The following TRHDE variants were observed in gnomAD, a reference collection of about 807,000 sequenced individuals.
TRHDE encodes thyrotropin-releasing hormone-degrading ectoenzyme.
TRHDE carries 72 observed loss-of-function variants against 125.7 expected under a neutral mutation model. The ratio of observed to expected loss-of-function variants is 0.57; its 90% CI spans 0.47 to 0.70. The LOEUF (loss-of-function observed/expected upper bound fraction) is 0.70. Among genes scored for constraint, TRHDE ranks in the 30% least tolerant of loss-of-function variants. The probability of loss-of-function intolerance (pLI) is 0.00; values close to 1 mark genes in which losing one functional copy is unlikely to be tolerated. For synonymous variants in TRHDE, 509 were observed against 509.1 expected, an observed-to-expected ratio of 1.00 and a Z score of 0.00; for missense variants, 1,110 against 1,327.1, an observed-to-expected ratio of 0.84 and a Z score of 2.54.
At position 72,428,307 on chromosome 12, in the gene TRHDE, C is replaced by T. The variant is rs549996075; in HGVS notation, c.1316-41451C>T. Among the ~76,000 whole-genome samples the T allele has an allele frequency of 2.0e-5, 3 of 151,946 alleles. No homozygotes were observed. The East Asian group carries it at 5.8e-4, about 29-fold the overall frequency. Reference sequence around the variant, plus strand: ...ATATATTGAATTATTTCACTAATTCCATAATGTGTCATTTGTAAGCAATGT... The same window carrying T: ...ATATATTGAATTATTTCACTAATTCTATAATGTGTCATTTGTAAGCAATGT... On this transcript the variant is annotated intron_variant, in intron 3 of 18. Coordinates refer to ENST00000261180, the MANE Select transcript of TRHDE (RefSeq NM_013381.3).
intron 6 of TRHDE, among the ~76,000 whole-genome samples, chr12:72,541,947 A>G (rs1263354209): frequency 6.6e-6 from 1 of 151,432 alleles, no homozygotes; most frequent in African/African-American, 2.4e-5. Context: ...TGAGCAAATT[A>G]TGAGATTGTA....
intron 3 of TRHDE, among the ~76,000 whole-genome samples, chr12:72,405,790 G>A (rs1397907972): frequency 6.6e-6 from 1 of 152,146 alleles, no homozygotes; most frequent in East Asian, 1.9e-4. Flanking sequence ...AAGCAAGTTG[G>A]CAGTGTTACA....
rs1592511556 is a variant in TRHDE, at chr12:72,273,674, G to T, written c.914+117G>T. 16 of 1,037,272 alleles carry T rather than the reference G, an allele frequency of 1.5e-5. No individual in the cohort carries two copies. The East Asian group carries it at 3.8e-4, about 25-fold the overall frequency. 64.3% of individuals were successfully genotyped at this position (1,037,272 alleles called of 1,614,324 possible). A position where few individuals can be genotyped will look rare whatever the true frequency, so the allele number is the denominator to read the frequency against. ...CCAATACCCGGGAAGCCAGGGGTGG[G>T]GGGAAGGAAACGAAAGCGGAGTAGG... On this transcript the variant is annotated intron_variant, in intron 1 of 18. Transcript: ENST00000261180. The surrounding 1 kb of genome is among the most constrained non-coding windows in gnomAD (Gnocchi z 5.3).
intron 3 of TRHDE, among the ~76,000 whole-genome samples, chr12:72,416,357 T>G (rs1179112567): frequency 6.6e-6 from 1 of 152,092 alleles, no homozygotes; most frequent in African/African-American, 2.4e-5. Context: ...GTCTCTTTGT[T>G]GATTGTTTCC....
chr12:72,437,784 G>A (rs1009029694), intron 3 of TRHDE, among the ~76,000 whole-genome samples: 3 of 151,424 alleles, frequency 2.0e-5, no homozygotes, highest in East Asian at 1.9e-4. Flanking sequence ...TTTATGGTGC[G>A]AACACTTTAT....
At chr12:72,519,339 C>G (rs1592507337) in intron 6 of TRHDE, among the ~76,000 whole-genome samples, 1 of 152,162 alleles carries the variant, frequency 6.6e-6, no homozygotes, top group Non-Finnish European at 1.5e-5. Flanking sequence ...CGGCTTTACT[C>G]ATTTCTTTTT....
intron 2 of TRHDE, among the ~76,000 whole-genome samples, chr12:72,206,283 G>A (rs1056341338): frequency 6.6e-6 from 1 of 152,040 alleles, no homozygotes; most frequent in Admixed American, 6.6e-5. Flanking sequence ...AGTAGAGACA[G>A]GATTTCACCA....
chr12:72,316,443 G>A (rs1359324336), intron 2 of TRHDE, among the ~76,000 whole-genome samples: 1 of 151,968 alleles, frequency 6.6e-6, no homozygotes, highest in Non-Finnish European at 1.5e-5. Context: ...ATGTCCCAGC[G>A]ACTTTTTACA....
At chr12:72,613,845 A>C (rs566100416) in intron 12 of TRHDE, among the ~76,000 whole-genome samples, 35 of 152,244 alleles carry the variant, frequency 2.3e-4, no homozygotes, top group Admixed American at 1.2e-3. Flanking sequence ...CATTCTTGTA[A>C]TGCCATAAAG....
intron 6 of TRHDE, among the ~76,000 whole-genome samples, chr12:72,521,504 C>T (rs1879194444): frequency 6.6e-6 from 1 of 152,258 alleles, no homozygotes; most frequent in Non-Finnish European, 1.5e-5. Flanking sequence ...GAGTAGAGCA[C>T]ATCCAAGCAA....
chr12:72,612,161 C>G (rs918186642), intron 12 of TRHDE, among the ~76,000 whole-genome samples: 1 of 152,156 alleles, frequency 6.6e-6, no homozygotes, highest in Non-Finnish European at 1.5e-5. Context: ...AGTCAGTATT[C>G]TCCTCCCACC....
intron 3 of TRHDE, among the ~76,000 whole-genome samples, chr12:72,429,659 T>C (rs1179811495): frequency 2.6e-5 from 4 of 152,004 alleles, no homozygotes; most frequent in Non-Finnish European, 1.5e-5. Flanking sequence ...GTATTGAGGG[T>C]TCCAATTTTT....
At chr12:72,209,725 G>C (rs1877737126) in intron 2 of TRHDE, among the ~76,000 whole-genome samples, 3 of 152,178 alleles carry the variant, frequency 2.0e-5, no homozygotes, top group Admixed American at 1.3e-4. Context: ...GTGGAGACCA[G>C]TTGCTTTCAC....
At chr12:72,285,402 CA>C (rs1879843254) in intron 1 of TRHDE, among the ~76,000 whole-genome samples, 1 of 152,108 alleles carries the variant, frequency 6.6e-6, no homozygotes, top group African/African-American at 2.4e-5. Context: ...ATTCTATTAA[CA>C]GTCTAATATT....
Position 72,621,652 on chromosome 12 carries a change from G to A in TRHDE, c.2576G>A (p.Arg859His), listed in dbSNP as rs755535173. The A allele has an allele frequency of 1.2e-5, 20 of 1,604,658 alleles. No individual in the cohort carries two copies. Among genetic ancestry groups the A allele is most frequent in the African/African-American group, 6.8e-5 (5 of 74,072 alleles). The change falls in exon 15 of 19, where the codon CGT becomes CAT. Residue 859 changes from arginine to histidine, a missense_variant. Around this residue, in one of 5 missense-constraint regions of TRHDE, gnomAD observed 527 missense variants for 651.8 expected, o/e 0.81. Transcript: ENST00000261180. ...CTTTTGATGATATCTAGAGAACTAC[G>A]TAGAGAAGTTATAATGCTGGCCTGC... is the stretch of plus-strand genomic sequence containing the variant. ...VQASYQHEEL[R>H]REVIMLACSF...
intron 16 of TRHDE, among the ~76,000 whole-genome samples, chr12:72,652,695 TTA>T (rs1474772166): frequency 1.3e-5 from 2 of 151,472 alleles, no homozygotes; most frequent in African/African-American, 4.8e-5. Flanking sequence ...TTTATATAAT[TTA>T]TATATGTTTA....
At chr12:72,652,098 AATT>A (rs1313708430) in intron 15 of TRHDE, among the ~76,000 whole-genome samples, 5 of 151,986 alleles carry the variant, frequency 3.3e-5, no homozygotes, top group South Asian at 2.1e-4. Context: ...TGGAAATAAT[AATT>A]ATGTTCAAAA....
intron 2 of TRHDE, among the ~76,000 whole-genome samples, chr12:72,120,598 A>G (rs914198564): frequency 2.6e-5 from 4 of 152,080 alleles, no homozygotes; most frequent in African/African-American, 9.7e-5. Context: ...CGCTGGTTAC[A>G]TATACAAACC....
intron 2 of TRHDE, among the ~76,000 whole-genome samples, chr12:72,369,423 C>A (rs73342670): frequency 0.031 from 4,771 of 152,100 alleles, 271 homozygotes; most frequent in African/African-American, 0.11. Flanking sequence ...GGAGAAAGGT[C>A]GCTGAGCAGT....
Sources: allele counts gnomAD v4.1 joint callset (sites outside exome capture counted in the v4.1 genomes callset), GRCh38; gene constraint gnomAD v4.1.1; regional missense constraint gnomAD v4.1.1; non-coding constraint Gnocchi (gnomAD v3.1); transcripts MANE v1.5; gene names NCBI Gene and HGNC (gene_info 2026-07-23, HGNC 2026-07-21).